Variants in MED27 observed in about 807,000 individuals in gnomAD.
MED27 encodes the protein mediator complex subunit 27.
In MED27, 30 loss-of-function variants were observed where a neutral mutation model predicts 38.2. That is an observed-to-expected ratio of 0.79 (90% CI 0.59 to 1.07). The LOEUF (loss-of-function observed/expected upper bound fraction) is 1.07, where lower values mean the gene tolerates loss of function less well. Ranked by LOEUF, MED27 falls within the 50% of genes least tolerant of loss-of-function variation. The pLI is 0.00. For missense variants in MED27, 289 were observed against 397.5 expected, an observed-to-expected ratio of 0.73 and a Z score of 2.32; for synonymous variants, 122 against 153.5, an observed-to-expected ratio of 0.79 and a Z score of 1.52.
rs931437083 is a variant in MED27, at chr9:131,983,987, G to A, written c.479+30350C>T. Among the ~76,000 whole-genome samples the A allele has an allele frequency of 7.9e-5, 12 of 152,008 alleles. 1 individual carries two copies. Among genetic ancestry groups the A allele is most frequent in the African/African-American group, 2.9e-4 (12 of 41,372 alleles). ...GATCAGAGCCACTTTCTGACCTCTCGTCTCAAGAGTAAGTCCAAGCCTTGG... is the reference window on the plus strand; with the variant it reads ...GATCAGAGCCACTTTCTGACCTCTCATCTCAAGAGTAAGTCCAAGCCTTGG... On this transcript the variant is annotated intron_variant, in intron 3 of 7. Coordinates refer to ENST00000292035, the MANE Select transcript of MED27 (RefSeq NM_004269.4).
rs1357507807 is a variant in MED27, at chr9:131,917,142, G to A, written c.573+22239C>T. Among the ~76,000 whole-genome samples, 1 of 152,162 alleles carries A rather than the reference G, an allele frequency of 6.6e-6. No individual in the cohort carries two copies. Among genetic ancestry groups the A allele is most frequent in the Non-Finnish European group, 1.5e-5 (1 of 68,032 alleles). Reference sequence around the variant, plus strand: ...TATTTTTGCTTGTCACAGTAAGTCAGGGAGCTATTGGCATTTAGCAGATTG... The same window carrying A: ...TATTTTTGCTTGTCACAGTAAGTCAAGGAGCTATTGGCATTTAGCAGATTG... On this transcript the variant is annotated intron_variant, in intron 4 of 7. Coordinates refer to ENST00000292035, the MANE Select transcript of MED27 (RefSeq NM_004269.4). The surrounding 1 kb of genome is among the most constrained non-coding windows in gnomAD (Gnocchi z 4.6).
intron 2 of MED27, among the ~76,000 whole-genome samples, chr9:132,025,603 T>C (rs76696809): frequency 0.014 from 2,170 of 152,338 alleles, 53 homozygotes; most frequent in African/African-American, 0.049. Context: ...GCCCTCTCCT[T>C]AACCAACTCT....
At chr9:132,077,211 C>T (rs1470959278) in intron 2 of MED27, among the ~76,000 whole-genome samples, 1 of 152,186 alleles carries the variant, frequency 6.6e-6, no homozygotes, top group East Asian at 1.9e-4. Context: ...AGGTTAAATA[C>T]ACCTGAGTTA....
At chr9:131,978,788 C>T (rs1321057329) in intron 3 of MED27, among the ~76,000 whole-genome samples, 1 of 152,208 alleles carries the variant, frequency 6.6e-6, no homozygotes, top group African/African-American at 2.4e-5. Context: ...GGCTGAAACA[C>T]ACTACTCTTC....
chr9:131,948,585 C>T (rs572271933), intron 3 of MED27, among the ~76,000 whole-genome samples: 24 of 152,212 alleles, frequency 1.6e-4, no homozygotes, highest in African/African-American at 5.1e-4. Context: ...CAAGACTAGA[C>T]GTACTGCAGA....
intron 3 of MED27, among the ~76,000 whole-genome samples, chr9:131,988,347 C>T (rs1831898863): frequency 6.6e-6 from 1 of 152,196 alleles, no homozygotes. Flanking sequence ...CCATTTATAG[C>T]TGACCCTTGA....
intron 3 of MED27, among the ~76,000 whole-genome samples, chr9:131,973,288 C>T (rs1831522383): frequency 6.6e-6 from 1 of 152,132 alleles, no homozygotes; most frequent in Non-Finnish European, 1.5e-5. Context: ...TGTAGGGATC[C>T]TGAGCAGGTT....
In MED27 at chr9:131,913,746, T is replaced by C. The variant is rs568956763; in HGVS notation, c.574-19754A>G. ...CCAGCCCAACTCCATCTGAACCAGA[T>C]ACCCGAGCCTGCCTCCCGCTTTACC... On this transcript the variant is annotated intron_variant, in intron 4 of 7. Transcript: ENST00000292035. The surrounding 1 kb of genome is among the most constrained non-coding windows in gnomAD (Gnocchi z 4.5). Among the ~76,000 whole-genome samples the C allele has an allele frequency of 8.5e-5, 13 of 152,258 alleles. No homozygotes were observed. The South Asian group carries it at 2.7e-3, about 32-fold the overall frequency.
At chr9:131,970,861 C>T (rs1056121123) in intron 3 of MED27, among the ~76,000 whole-genome samples, 2 of 152,056 alleles carry the variant, frequency 1.3e-5, no homozygotes, top group African/African-American at 4.8e-5. Flanking sequence ...TCGTTTGGAT[C>T]CTGATAAAAA....
intron 6 of MED27, among the ~76,000 whole-genome samples, chr9:131,881,740 A>G (rs952543599): frequency 4.1e-5 from 6 of 146,602 alleles, no homozygotes; most frequent in Middle Eastern, 7.5e-3. Context: ...GGATTTCACC[A>G]GTTTTTCCAT....
At chr9:132,056,080 T>TA (rs1833569918) in intron 2 of MED27, among the ~76,000 whole-genome samples, 2 of 152,358 alleles carry the variant, frequency 1.3e-5, no homozygotes, top group South Asian at 4.1e-4. Flanking sequence ...GCTGTACACC[T>TA]AAAATTGCAA....
rs1158247419 is a variant in MED27, at chr9:131,883,520, C to T, written c.723+538G>A. Among the ~76,000 whole-genome samples, 1 of 152,146 alleles carries T rather than the reference C, an allele frequency of 6.6e-6. No homozygotes were observed. Among genetic ancestry groups the T allele is most frequent in the Non-Finnish European group, 1.5e-5 (1 of 68,014 alleles). ...CCAATATCTGAAAAAGATACAGTGTCCCCAGAGCACAAAGTGGGGAAGGGG... is the reference window on the plus strand; with the variant it reads ...CCAATATCTGAAAAAGATACAGTGTTCCCAGAGCACAAAGTGGGGAAGGGG... On this transcript the variant is annotated intron_variant, in intron 6 of 7. Transcript: ENST00000292035. The surrounding 1 kb of genome is among the most constrained non-coding windows in gnomAD (Gnocchi z 4.2).
At chr9:132,005,321 G>A (rs1832335559) in intron 3 of MED27, among the ~76,000 whole-genome samples, 1 of 152,176 alleles carries the variant, frequency 6.6e-6, no homozygotes. Context: ...AAAAGCAGAA[G>A]GAGAAAGAAA....
At chr9:132,056,078 C>T (rs1265315180) in intron 2 of MED27, among the ~76,000 whole-genome samples, 2 of 152,302 alleles carry the variant, frequency 1.3e-5, no homozygotes, top group African/African-American at 2.4e-5. Context: ...CTGCTGTACA[C>T]CTAAAATTGC....
intron 3 of MED27, among the ~76,000 whole-genome samples, chr9:131,962,113 T>A (rs1040497023): frequency 6.6e-6 from 1 of 152,192 alleles, no homozygotes; most frequent in Non-Finnish European, 1.5e-5. Flanking sequence ...CTTTCCCCCA[T>A]ACACTAGTCT....
chr9:132,072,336 T>A (rs1260577397), intron 2 of MED27, among the ~76,000 whole-genome samples: 2 of 152,074 alleles, frequency 1.3e-5, no homozygotes, highest in African/African-American at 2.4e-5. Flanking sequence ...TCAAAAAGAT[T>A]TTTTTCCCTT....
chr9:131,885,163 C>G (rs1417986618), intron 5 of MED27, among the ~76,000 whole-genome samples: 2 of 152,186 alleles, frequency 1.3e-5, no homozygotes, highest in African/African-American at 4.8e-5. Flanking sequence ...CCATGCCAGG[C>G]ACTGCACTAG....
chr9:131,992,894 C>T (rs1373786291), intron 3 of MED27, among the ~76,000 whole-genome samples: 1 of 152,200 alleles, frequency 6.6e-6, no homozygotes, highest in African/African-American at 2.4e-5. Flanking sequence ...CTAGCACTTA[C>T]TGAGTGATCG....
intron 5 of MED27, among the ~76,000 whole-genome samples, chr9:131,885,491 C>T (rs914453024): frequency 1.3e-5 from 2 of 152,106 alleles, no homozygotes; most frequent in East Asian, 1.9e-4. Flanking sequence ...GGGTAACTGA[C>T]GCCCGGCTGG....
Sources: gnomAD v4.1 joint callset for allele counts (sites outside exome capture counted in the v4.1 genomes callset) on GRCh38, gnomAD v4.1.1 for gene constraint, Gnocchi (gnomAD v3.1) non-coding constraint, MANE v1.5 for transcripts, NCBI Gene and HGNC (gene_info 2026-07-23, HGNC 2026-07-21) for gene names.